PCLAF: variants seen among roughly 807,000 people sequenced by gnomAD.
PCLAF encodes PCNA-associated factor.
PCLAF carries 12 observed loss-of-function variants against 15.1 expected under a neutral mutation model. That is an observed-to-expected ratio of 0.79 (90% CI 0.51 to 1.29). PCLAF has a LOEUF of 1.29. Among genes scored for constraint, PCLAF ranks in the 50% most tolerant of loss-of-function variants. The pLI is 0.00. For missense variants in PCLAF, 116 were observed against 130.9 expected, an observed-to-expected ratio of 0.89 and a Z score of 0.56; for synonymous variants, 33 against 47.1, an observed-to-expected ratio of 0.70 and a Z score of 1.22.
intron 2 of PCLAF, among the ~76,000 whole-genome samples, chr15:64,378,367 T>C (rs4777181): frequency 0.8 from 122,225 of 152,112 alleles, 50,093 homozygotes; most frequent in East Asian, 0.95. Flanking sequence ...TTAACAACTC[T>C]AGTTGTTAAA....
intron 2 of PCLAF, among the ~76,000 whole-genome samples, 188 bp from the exon 3 acceptor site, chr15:64,377,093 A>G (rs1899624969): frequency 6.6e-6 from 1 of 152,104 alleles, no homozygotes. Flanking sequence ...ACTCAGTGTG[A>G]TGGTTATCTT....
chr15:64,364,554 A>G lies in PCLAF; in HGVS notation c.*1476T>C, dbSNP rs1439284934. On this transcript the variant is annotated 3_prime_UTR_variant, in exon 4 of 4. Coordinates refer to ENST00000300035, the MANE Select transcript of PCLAF (RefSeq NM_014736.6). ...TATTGACTTCCAACTTTAAAATTAT[A>G]TTTTATGATAGCGAATCAAATGCAA... 1 of 152,114 alleles carries G rather than the reference A, an allele frequency of 6.6e-6. No homozygotes were observed. The highest frequency in any genetic ancestry group is 6.6e-5 in the Admixed American group (1 of 15,244). 9.4% of individuals were successfully genotyped at this position (152,114 alleles called of 1,614,324 possible). A position where few individuals can be genotyped will look rare whatever the true frequency, so the allele number is the denominator to read the frequency against.
intron 3 of PCLAF, among the ~76,000 whole-genome samples, chr15:64,372,318 G>C (rs1477783760): frequency 6.6e-6 from 1 of 152,060 alleles, no homozygotes; most frequent in Non-Finnish European, 1.5e-5. Context: ...TTACCACATA[G>C]AAAGTAAAAT....
intron 2 of PCLAF, among the ~76,000 whole-genome samples, chr15:64,379,265 C>T (rs1279354989): frequency 6.6e-6 from 1 of 151,788 alleles, no homozygotes; most frequent in East Asian, 1.9e-4. Flanking sequence ...TTGCTTCAGC[C>T]CAGGAGTTCG....
At position 64,378,255 on chromosome 15, in the gene PCLAF, A is replaced by G. The variant is rs143946495; in HGVS notation, c.128-1350T>C. Among the ~76,000 whole-genome samples the G allele has an allele frequency of 4.5e-3, 681 of 152,264 alleles. 5 individuals carry two copies. The highest frequency in any genetic ancestry group is 0.015 in the African/African-American group (633 of 41,568). ...CCTGGTTATTTTTCAACAGTAATATAAGGAGAAATTGAGGGAAAATTCTTG... is the reference window on the plus strand; with the variant it reads ...CCTGGTTATTTTTCAACAGTAATATGAGGAGAAATTGAGGGAAAATTCTTG... On this transcript the variant is annotated intron_variant, in intron 2 of 3. Transcript: ENST00000300035.
chr15:64,382,209 G>C (rs1160778705), upstream of PCLAF, among the ~76,000 whole-genome samples: 1 of 151,942 alleles, frequency 6.6e-6, no homozygotes, highest in African/African-American at 2.4e-5. Context: ...TGACCAACAC[G>C]GTGAAACCCG....
chr15:64,373,783 C>A, intron 3 of PCLAF: 1 of 1,535,006 alleles, frequency 6.5e-7, no homozygotes, highest in Non-Finnish European at 8.7e-7. Context: ...GGGGAGATAG[C>A]AAGTAGGGTC....
chr15:64,367,616 C>T (rs1899099801), intron 3 of PCLAF, among the ~76,000 whole-genome samples: 1 of 151,850 alleles, frequency 6.6e-6, no homozygotes, highest in African/African-American at 2.4e-5. Flanking sequence ...GGTGCGATCT[C>T]AGCTCACTGC....
intron 2 of PCLAF, among the ~76,000 whole-genome samples, chr15:64,377,943 G>T (rs550762641): frequency 1.4e-5 from 2 of 145,764 alleles, no homozygotes; most frequent in African/African-American, 2.5e-5. Context: ...TTGTTTTTTT[G>T]GGGGGGAGAC....
rs115243087 is a variant in PCLAF at position 64,368,612 on chromosome 15, A to G, written c.291-2537T>C. On this transcript the variant is annotated intron_variant, in intron 3 of 3. Transcript: ENST00000300035. ...CTATATTCCATAGAGAGTTTATATC[A>G]TAAATCCTTCTAATAAACTCATTTA... 3.0e-3 allele frequency among the ~76,000 whole-genome samples: 461 copies of G among 152,278 alleles called. 1 individual carries two copies. Among genetic ancestry groups the G allele is most frequent in the African/African-American group, 0.011 (444 of 41,544 alleles).
At chr15:64,384,061 T>C (rs1014199296), upstream of PCLAF, among the ~76,000 whole-genome samples, 2 of 152,174 alleles carry the variant, frequency 1.3e-5, no homozygotes, top group African/African-American at 4.8e-5. Context: ...GGAGTGAACC[T>C]GAAAATTTCA....
chr15:64,378,953 T>C (rs957157183), intron 2 of PCLAF, among the ~76,000 whole-genome samples: 2 of 151,882 alleles, frequency 1.3e-5, no homozygotes, highest in African/African-American at 2.4e-5. Flanking sequence ...CAAACCCAAC[T>C]CCACTGATTT....
intron 3 of PCLAF, among the ~76,000 whole-genome samples, chr15:64,370,460 C>T (rs962101508): frequency 2.1e-4 from 32 of 150,800 alleles, no homozygotes; most frequent in Non-Finnish European, 4.1e-4. Context: ...CTCCGCCTCC[C>T]GAGTTCAAGT....
Position 64,364,390 on chromosome 15 carries a change from G to C in PCLAF, c.*1640C>G, listed in dbSNP as rs1173076702. On this transcript the variant is annotated 3_prime_UTR_variant, in exon 4 of 4. Coordinates refer to ENST00000300035, the MANE Select transcript of PCLAF (RefSeq NM_014736.6). ...TAAAATATGATTACTTTTGACAACA[G>C]GCTGCTGCAAAAAGGGTGATGAGGA... is the stretch of plus-strand genomic sequence containing the variant. The C allele has an allele frequency of 6.6e-6, 1 of 152,040 alleles. No homozygotes were observed. Among genetic ancestry groups the C allele is most frequent in the Non-Finnish European group, 1.5e-5 (1 of 68,012 alleles). The allele number at this position is 152,040 out of a possible 1,614,324, so 9.4% of individuals were successfully genotyped here. A position where few individuals can be genotyped will look rare whatever the true frequency, so the allele number is the denominator to read the frequency against.
At chr15:64,370,834 T>G (rs953228213) in intron 3 of PCLAF, among the ~76,000 whole-genome samples, 1 of 113,550 alleles carries the variant, frequency 8.8e-6, no homozygotes, top group Admixed American at 8.8e-5. Context: ...AAGTTGTTTT[T>G]TTTTTTTTTT....
chr15:64,366,208 A>C, intron 3 of PCLAF, 133 bp from the exon 4 acceptor site: 1 of 500,518 alleles, frequency 2.0e-6, no homozygotes, highest in Non-Finnish European at 3.4e-6. Flanking sequence ...GAAATGAAAG[A>C]AAATTAAACT....
At chr15:64,381,753 A>G (rs540792775), upstream of PCLAF, among the ~76,000 whole-genome samples, 15 of 152,348 alleles carry the variant, frequency 9.8e-5, no homozygotes, top group Admixed American at 3.3e-4. Context: ...GCGAATTACA[A>G]ACGATCTTCA....
intron 3 of PCLAF, among the ~76,000 whole-genome samples, chr15:64,375,155 C>T (rs1212352383): frequency 3.3e-5 from 5 of 151,992 alleles, no homozygotes; most frequent in African/African-American, 1.2e-4. Context: ...GATGGAGTCT[C>T]GCTCTGTCCC....
At chr15:64,368,321 A>G (rs1473035209) in intron 3 of PCLAF, among the ~76,000 whole-genome samples, 1 of 152,188 alleles carries the variant, frequency 6.6e-6, no homozygotes, top group African/African-American at 2.4e-5. Context: ...GTCTCAGTAA[A>G]AAAAACAAAA....
Sources: allele counts gnomAD v4.1 joint callset (sites outside exome capture counted in the v4.1 genomes callset), GRCh38; gene constraint gnomAD v4.1.1; transcripts MANE v1.5; gene names NCBI Gene and HGNC (gene_info 2026-07-23, HGNC 2026-07-21).